Variants in AGMO observed in about 807,000 individuals in gnomAD.
The protein encoded by AGMO is glyceryl-ether monooxygenase.
In AGMO, 75 loss-of-function variants were observed where a neutral mutation model predicts 60.2. That is an observed-to-expected ratio of 1.25 (90% CI 1.03 to 1.51). The LOEUF is 1.51. AGMO is among the 40% of genes most tolerant of loss of function. The probability of loss-of-function intolerance (pLI) is 0.00; values close to 1 mark genes in which losing one functional copy is unlikely to be tolerated. For missense variants in AGMO, 763 were observed against 525.5 expected (o/e 1.45, Z -4.42); for synonymous variants, 261 against 177.1 (o/e 1.47, Z -3.76).
chr7:15,395,768 C>T (rs1050381497), intron 5 of AGMO, among the ~76,000 whole-genome samples: 3 of 152,178 alleles, frequency 2.0e-5, no homozygotes, highest in Admixed American at 2.0e-4. Context: ...ACTAATCCAA[C>T]TGAAAATAAT....
At chr7:15,332,647 T>A (rs962814416) in intron 12 of AGMO, among the ~76,000 whole-genome samples, 2 of 152,094 alleles carry the variant, frequency 1.3e-5, no homozygotes, top group Admixed American at 1.3e-4. Context: ...CTGTATATTC[T>A]AAGAATAATT....
At chr7:15,268,037 C>T (rs1783485422) in intron 12 of AGMO, among the ~76,000 whole-genome samples, 1 of 151,750 alleles carries the variant, frequency 6.6e-6, no homozygotes, top group Non-Finnish European at 1.5e-5. Context: ...ACATAGGTTG[C>T]ATGATAATAA....
rs573134247 is a variant in AGMO at position 15,316,203 on chromosome 7, C to G, written c.1263+49311G>C. On this transcript the variant is annotated intron_variant, in intron 12 of 12. Coordinates refer to ENST00000342526, the MANE Select transcript of AGMO (RefSeq NM_001004320.2). ...AAACACAGTAATGGAGAGGACAGAA[C>G]ACTTTAATTTACATATTGAAGAGAC... Among the ~76,000 whole-genome samples, 5 of 152,268 alleles carry G rather than the reference C, an allele frequency of 3.3e-5. No homozygotes were observed. The East Asian group carries it at 9.6e-4, about 29-fold the overall frequency.
chr7:15,459,599 T>TTGTG (rs754526222), intron 3 of AGMO, among the ~76,000 whole-genome samples: 1,472 of 142,220 alleles, frequency 0.01, 29 homozygotes, highest in African/African-American at 0.036. Flanking sequence ...GTATGTGCGT[T>TTGTG]TGTGTGTGTG....
intron 3 of AGMO, among the ~76,000 whole-genome samples, chr7:15,460,080 C>G (rs1467596916): frequency 6.7e-6 from 1 of 148,358 alleles, no homozygotes; most frequent in Non-Finnish European, 1.5e-5. Context: ...CACAAAGTTT[C>G]AAAGTAATTA....
the AGMO span, among the ~76,000 whole-genome samples, chr7:15,183,523 A>G: frequency 2.6e-5 from 4 of 152,312 alleles, no homozygotes; most frequent in East Asian, 1.9e-4. Context: ...TTGTTTGCCT[A>G]TTGTCCTTGG....
At position 15,459,447 on chromosome 7, in the gene AGMO, C is replaced by A. The variant is rs115006126; in HGVS notation, c.410-28339G>T. On this transcript the variant is annotated intron_variant, in intron 3 of 12. Coordinates refer to ENST00000342526, the MANE Select transcript of AGMO (RefSeq NM_001004320.2). ...AGAGGGAGGGAAGAGTGGTTATGTT[C>A]CGAATGCTCTCATTTCCTGCCCTCT... Among the ~76,000 whole-genome samples the A allele has an allele frequency of 9.6e-3, 1,466 of 152,164 alleles. 24 individuals are homozygous for A. The highest frequency in any genetic ancestry group is 0.034 in the African/African-American group (1,431 of 41,508).
intron 3 of AGMO, among the ~76,000 whole-genome samples, chr7:15,525,301 T>C (rs1433988069): frequency 6.6e-6 from 1 of 152,056 alleles, no homozygotes; most frequent in Non-Finnish European, 1.5e-5. Context: ...CAAGTCACAA[T>C]CTTGGATAAA....
At chr7:15,295,678 T>C (rs1784388288) in intron 12 of AGMO, among the ~76,000 whole-genome samples, 1 of 152,136 alleles carries the variant, frequency 6.6e-6, no homozygotes, top group Non-Finnish European at 1.5e-5. Context: ...AAATGTATAA[T>C]GCTATAATTC....
At position 15,363,457 on chromosome 7, in the gene AGMO, T is replaced by C. The variant is rs184971338; in HGVS notation, c.1263+2057A>G. On this transcript the variant is annotated intron_variant, in intron 12 of 12. Coordinates refer to ENST00000342526, the MANE Select transcript of AGMO (RefSeq NM_001004320.2). ...AATCCTACTTAGATGGATGTTATAC[T>C]TCCTCCTTTTACAGACGAGCAAAGC... 2.1e-3 allele frequency among the ~76,000 whole-genome samples: 314 copies of C among 152,300 alleles called. 1 individual carries two copies. The highest frequency in any genetic ancestry group is 7.2e-3 in the African/African-American group (300 of 41,574).
the AGMO span, among the ~76,000 whole-genome samples, chr7:15,180,163 C>A: frequency 1.3e-5 from 2 of 152,168 alleles, no homozygotes; most frequent in Non-Finnish European, 2.9e-5. Context: ...TTTGCTACAC[C>A]TTTGGCGTTC....
chr7:15,440,711 T>C (rs988143125), intron 3 of AGMO, among the ~76,000 whole-genome samples: 1 of 152,182 alleles, frequency 6.6e-6, no homozygotes, highest in African/African-American at 2.4e-5. Flanking sequence ...GAGTGAGCTT[T>C]ATTACATGTT....
At chr7:15,182,284 T>G in the AGMO span, among the ~76,000 whole-genome samples, 1 of 152,164 alleles carries the variant, frequency 6.6e-6, no homozygotes, top group Non-Finnish European at 1.5e-5. Context: ...ACAGTGCTAA[T>G]GGTTACACAA....
At chr7:15,488,052 T>C (rs1782967626) in intron 3 of AGMO, among the ~76,000 whole-genome samples, 1 of 152,154 alleles carries the variant, frequency 6.6e-6, no homozygotes, top group Non-Finnish European at 1.5e-5. Flanking sequence ...GCTCTGTTTC[T>C]AAGAAGGAAA....
chr7:15,355,561 T>G (rs1470422232), intron 12 of AGMO, among the ~76,000 whole-genome samples: 2 of 151,558 alleles, frequency 1.3e-5, no homozygotes, highest in South Asian at 2.1e-4. Context: ...AATTATGTAT[T>G]AGCTTAATAT....
chr7:15,287,556 TTCAG>T lies in AGMO; in HGVS notation c.1263+77954_1263+77957del, dbSNP rs529183308. On this transcript the variant is annotated intron_variant, in intron 12 of 12. Coordinates refer to ENST00000342526, the MANE Select transcript of AGMO (RefSeq NM_001004320.2). ...TCTTGCTAAGAAAGTCATGATAGATTTCAGTCAATTTATGAAAATTTACAAACAA... is the reference window on the plus strand; with the variant it reads ...TCTTGCTAAGAAAGTCATGATAGATTTCAATTTATGAAAATTTACAAACAA... Among the ~76,000 whole-genome samples, 13 of 152,310 alleles carry T rather than the reference TTCAG, an allele frequency of 8.5e-5. No individual in the cohort carries two copies. The East Asian group carries it at 1.5e-3, about 18-fold the overall frequency.
intron 12 of AGMO, among the ~76,000 whole-genome samples, chr7:15,325,905 A>G (rs1357963695): frequency 1.3e-5 from 2 of 152,086 alleles, no homozygotes; most frequent in Non-Finnish European, 2.9e-5. Flanking sequence ...TAATGACAAA[A>G]AGAAGAGGAA....
chr7:15,393,315 A>G (rs553803825), intron 6 of AGMO, among the ~76,000 whole-genome samples: 2 of 152,220 alleles, frequency 1.3e-5, no homozygotes, highest in African/African-American at 4.8e-5. Flanking sequence ...TTATAGAAAC[A>G]GAACAATAGC....
intron 12 of AGMO, among the ~76,000 whole-genome samples, chr7:15,289,605 AT>A (rs1032487475): frequency 2.6e-5 from 4 of 151,992 alleles, no homozygotes; most frequent in South Asian, 2.1e-4. Flanking sequence ...AGTTTATAAT[AT>A]TTTTTAATAA....
Sources: gnomAD v4.1 joint callset for allele counts (sites outside exome capture counted in the v4.1 genomes callset) on GRCh38, gnomAD v4.1.1 for gene constraint, MANE v1.5 for transcripts, NCBI Gene and HGNC (gene_info 2026-07-23, HGNC 2026-07-21) for gene names.